Variants in MYG1 observed in about 807,000 individuals in gnomAD.
MYG1 encodes MYG1 exonuclease.
In MYG1, 36 loss-of-function variants were observed where a neutral mutation model predicts 43.5. That is an observed-to-expected ratio of 0.83 (90% CI 0.63 to 1.09). MYG1 has a LOEUF of 1.09. MYG1 is among the 50% of genes least tolerant of loss of function. MYG1 has a pLI of 0.00. For synonymous variants in MYG1, 220 were observed against 202.8 expected (o/e 1.08, Z -0.72); for missense variants, 529 against 495.1 (o/e 1.07, Z -0.65).
At position 53,303,085 on chromosome 12, in the gene MYG1, C is replaced by G; in HGVS notation, c.381C>G (p.Thr127=). 6.2e-7 allele frequency: 1 copy of G among 1,613,924 alleles called. No homozygotes were observed. Among genetic ancestry groups the G allele is most frequent in the East Asian group, 2.2e-5 (1 of 44,866 alleles). Residue 127 remains threonine (T), a synonymous_variant, in exon 3 of 7, where the codon ACC becomes ACG. Transcript: ENST00000267103. ...SSLSPGKPWQ[T]KLSSAGLIYL... ...TGTCCCCTGGGAAGCCGTGGCAGAC[C>G]AAGCTGAGCAGTGCGGGACTCATCT...
At chr12:53,304,285 TG>T (rs551797487) in intron 3 of MYG1, among the ~76,000 whole-genome samples, 38 of 152,014 alleles carry the variant, frequency 2.5e-4, no homozygotes, top group African/African-American at 8.7e-4. Flanking sequence ...TTTTTGTTGT[TG>T]TTTTTTTTTG....
At chr12:53,303,324 C>G (rs892514121) in intron 3 of MYG1, 131 bp downstream of exon 3, 31 of 960,242 alleles carry the variant, frequency 3.2e-5, no homozygotes, top group Non-Finnish European at 3.9e-5. Flanking sequence ...AACACTCATC[C>G]TCTCCCTCAG....
intron 5 of MYG1, 30 bp downstream of exon 5, chr12:53,306,350 TGAG>T (rs1944280330): frequency 1.2e-6 from 2 of 1,611,250 alleles, no homozygotes; most frequent in Non-Finnish European, 1.7e-6. Context: ...CATTATGGCT[TGAG>T]GATTACTGAC....
chr12:53,304,475 G>A (rs1479502321), intron 3 of MYG1, among the ~76,000 whole-genome samples: 1 of 151,490 alleles, frequency 6.6e-6, no homozygotes. Flanking sequence ...AGTAGAAACG[G>A]GGTTTCACCG....
At chr12:53,300,910 C>T (rs1404651236) in intron 2 of MYG1, among the ~76,000 whole-genome samples, 2 of 149,826 alleles carry the variant, frequency 1.3e-5, no homozygotes, top group Non-Finnish European at 3.0e-5. Context: ...CTCTGGGATT[C>T]TTTTTTCTTT....
chr12:53,301,120 T>C (rs1944229191), intron 2 of MYG1, among the ~76,000 whole-genome samples: 1 of 152,014 alleles, frequency 6.6e-6, no homozygotes, highest in Admixed American at 6.6e-5. Context: ...GGTTTCACCA[T>C]ATTGGCCAGA....
Position 53,306,118 on chromosome 12 carries a change from T to C in MYG1, c.642+58T>C, listed in dbSNP as rs1027085763. Reference sequence around the variant, plus strand: ...GTAAGAACCTTGGGTGGGGGGAAAATGGGAGCATTTGCTCCTCCTAAGCCC... The same window carrying C: ...GTAAGAACCTTGGGTGGGGGGAAAACGGGAGCATTTGCTCCTCCTAAGCCC... On this transcript the variant is annotated intron_variant, in intron 4 of 6. Coordinates refer to ENST00000267103, the MANE Select transcript of MYG1 (RefSeq NM_021640.4). 1.1e-5 allele frequency: 17 copies of C among 1,607,870 alleles called. 1 individual carries two copies. In the South Asian group the frequency reaches 1.9e-4, roughly 18 times the overall value.
intron 3 of MYG1, 171 bp from the exon 4 acceptor site, chr12:53,305,737 G>GT: frequency 1.4e-6 from 1 of 738,662 alleles, no homozygotes; most frequent in Non-Finnish European, 2.1e-6. Flanking sequence ...ACAACGAGCT[G>GT]TCTGAGCTTC....
rs550821202 is a variant in MYG1, at chr12:53,300,977, T to C, written c.329+715T>C. ...CACTGTCGCCCAAGCTGGAGTGTAG[T>C]GGCACGATCTCGGCTCACTGCAACC... is the stretch of plus-strand genomic sequence containing the variant. On this transcript the variant is annotated intron_variant, in intron 2 of 6. Transcript: ENST00000267103. 1.3e-3 allele frequency among the ~76,000 whole-genome samples: 199 copies of C among 151,530 alleles called. 1 individual carries two copies. Among genetic ancestry groups the C allele is most frequent in the Non-Finnish European group, 2.6e-3 (176 of 67,816 alleles).
chr12:53,306,399 A>C, intron 5 of MYG1, 79 bp downstream of exon 5: 1 of 1,582,276 alleles, frequency 6.3e-7, no homozygotes, highest in Non-Finnish European at 8.6e-7. Flanking sequence ...CTTCTACCCT[A>C]AACCCTGGAG....
rs1944285106 is a variant in MYG1, at chr12:53,306,607, ATGT to A, written c.766-69_766-67del. ...GATCCTCCCACCTCAGCCTCCCAAA[ATGT>A]TGTGACTACAAACATGATCACCATG... On this transcript the variant is annotated intron_variant, in intron 5 of 6. Transcript: ENST00000267103. The A allele has an allele frequency of 4.0e-6, 6 of 1,499,542 alleles. No homozygotes were observed. The Admixed American group carries it at 7.7e-5, about 19-fold the overall frequency. The allele number at this position is 1,499,542 out of a possible 1,614,324, so 92.9% of individuals were successfully genotyped here.
rs539064889 is a variant in MYG1 at position 53,299,958 on chromosome 12, G to C, written c.216+5G>C. 1 of 1,614,096 alleles carries C rather than the reference G, an allele frequency of 6.2e-7. No homozygotes were observed. Among genetic ancestry groups the C allele is most frequent in the African/African-American group, 1.3e-5 (1 of 75,048 alleles). On this transcript the variant is annotated splice_donor_5th_base_variant and intron_variant, in intron 1 of 6. Transcript: ENST00000267103. ...CGCCTCCTGCCGGAGTACCGGGTAC[G>C]GTCCGCGAAAAGTGACCCTGGGACT...
rs71068106 is a variant in MYG1 at position 53,304,861 on chromosome 12, G to GT, written c.490-1022dup. The stretch of plus-strand genomic sequence containing the variant: ...TCCTCCCACCTCAGCCTAAACCCAT[G>GT]TTTTTTTTTTTTTTTTTTTTTTTTT... On this transcript the variant is annotated intron_variant, in intron 3 of 6. Coordinates refer to ENST00000267103, the MANE Select transcript of MYG1 (RefSeq NM_021640.4). Among the ~76,000 whole-genome samples the GT allele has an allele frequency of 5.4e-3, 419 of 78,176 alleles. 13 individuals are homozygous for GT. The highest frequency in any genetic ancestry group is 0.019 in the African/African-American group (394 of 21,212). 51.3% of individuals were successfully genotyped at this position (78,176 alleles called of 152,430 possible). A position where few individuals can be genotyped will look rare whatever the true frequency, so the allele number is the denominator to read the frequency against.
chr12:53,305,949 T>C lies in MYG1; in HGVS notation c.531T>C (p.Asn177=), dbSNP rs368245768. ...NFVEEVDAVD[N]GISQWAEGEP... is the part of the protein sequence containing the mutation. Reference sequence around the variant, plus strand: ...TGGAGGAGGTGGATGCTGTGGACAATGGGATCTCCCAGTGGGCAGAGGGGG... The same window carrying C: ...TGGAGGAGGTGGATGCTGTGGACAACGGGATCTCCCAGTGGGCAGAGGGGG... Residue 177 remains asparagine, a synonymous_variant, in exon 4 of 7, where the codon AAT becomes AAC. Coordinates refer to ENST00000267103, the MANE Select transcript of MYG1 (RefSeq NM_021640.4). The C allele has an allele frequency of 2.5e-6, 4 of 1,613,056 alleles. No individual in the cohort carries two copies. The highest frequency in any genetic ancestry group is 2.7e-5 in the African/African-American group (2 of 74,854).
In MYG1 at chr12:53,303,028, C is replaced by T; in HGVS notation, c.330-6C>T. ...CACCTCAGCCCCACCTCCCTATGCT[C>T]CTCAGGTCTTTCACAGAGACCATGA... On this transcript the variant is annotated splice_region_variant and splice_polypyrimidine_tract_variant and intron_variant, in intron 2 of 6. Transcript: ENST00000267103. The T allele has an allele frequency of 6.2e-7, 1 of 1,606,650 alleles. No homozygotes were observed. The highest frequency in any genetic ancestry group is 8.5e-7 in the Non-Finnish European group (1 of 1,175,156).
At chr12:53,299,998 C>T (rs773676479) in intron 1 of MYG1, 45 bp downstream of exon 1, 53 of 1,604,506 alleles carry the variant, frequency 3.3e-5, no homozygotes, top group African/African-American at 2.7e-4. Context: ...GCATGCATGC[C>T]TCCGGGGTGG....
rs192392325 is a variant in MYG1 at position 53,302,828 on chromosome 12, G to A, written c.330-206G>A. Among the ~76,000 whole-genome samples the A allele has an allele frequency of 2.5e-4, 38 of 152,056 alleles. No homozygotes were observed. In the South Asian group the frequency reaches 3.3e-3, roughly 13 times the overall value. On this transcript the variant is annotated intron_variant, in intron 2 of 6. Transcript: ENST00000267103. ...TCCCTTCCTTCCTTTCCCTTGTCTC[G>A]TCTAGTGAGAGTACTCAGGGGGTTG... is the stretch of plus-strand genomic sequence containing the variant.
At chr12:53,306,645 C>T in intron 5 of MYG1, 35 bp from the exon 6 acceptor site, 1 of 1,593,124 alleles carries the variant, frequency 6.3e-7, no homozygotes, top group Non-Finnish European at 8.6e-7. Context: ...GCCCAGCCTA[C>T]CTTAAACCTT....
intron 2 of MYG1, 93 bp downstream of exon 2, chr12:53,300,355 G>A (rs1163234011): frequency 6.6e-6 from 6 of 916,020 alleles, no homozygotes; most frequent in South Asian, 3.6e-5. Flanking sequence ...CCGCGTCAGC[G>A]AAAAGAACTG....
Sources: allele counts gnomAD v4.1 joint callset (sites outside exome capture counted in the v4.1 genomes callset), GRCh38; gene constraint gnomAD v4.1.1; transcripts MANE v1.5; gene names NCBI Gene and HGNC (gene_info 2026-07-23, HGNC 2026-07-21).